Variants in GREB1L observed in about 807,000 individuals in gnomAD.
The protein encoded by GREB1L is GREB1-like protein.
In GREB1L, 17 loss-of-function variants were observed where a neutral mutation model predicts 200.8. The ratio of observed to expected loss-of-function variants is 0.08; its 90% CI spans 0.06 to 0.13. The LOEUF is 0.13. Ranked by LOEUF, GREB1L falls within the 10% of genes least tolerant of loss-of-function variation. GREB1L has a pLI of 1.00. For missense variants in GREB1L, 1,657 were observed against 2,367.7 expected (o/e 0.70, Z 6.23); for synonymous variants, 789 against 893.0 (o/e 0.88, Z 2.08).
At position 21,464,018 on chromosome 18, in the gene GREB1L, G is replaced by A. The variant is rs781346058; in HGVS notation, c.2183-9013G>A. Among the ~76,000 whole-genome samples, 12 of 152,228 alleles carry A rather than the reference G, an allele frequency of 7.9e-5. No individual in the cohort carries two copies. The East Asian group carries it at 1.9e-3, about 24-fold the overall frequency. ...TCACAAGGAATGATAGCAATGGATT[G>A]CAACCTATTGAAAAATTTTTTAAAA... On this transcript the variant is annotated intron_variant, in intron 15 of 32. Coordinates refer to ENST00000424526, the MANE Select transcript of GREB1L (RefSeq NM_001142966.3).
intron 1 of GREB1L, among the ~76,000 whole-genome samples, chr18:21,260,076 G>T (rs1477099622): frequency 6.6e-6 from 1 of 151,880 alleles, no homozygotes; most frequent in East Asian, 1.9e-4. Context: ...CATTGTACAC[G>T]ATTAATTAGT....
chr18:21,508,298 A>C lies in GREB1L; in HGVS notation c.4530+19A>C. On this transcript the variant is annotated intron_variant, in intron 26 of 32. Coordinates refer to ENST00000424526, the MANE Select transcript of GREB1L (RefSeq NM_001142966.3). ...AGACAAGGTGGGTGAGAGCATCTGG[A>C]CTGGCAGGCACCAGACCTAGTTCTT... 1 of 1,551,480 alleles carries C rather than the reference A, an allele frequency of 6.4e-7. No individual in the cohort carries two copies. The highest frequency in any genetic ancestry group is 1.7e-4 in the Middle Eastern group (1 of 5,996).
intron 1 of GREB1L, among the ~76,000 whole-genome samples, chr18:21,307,260 A>G (rs1175675172): frequency 6.6e-6 from 1 of 152,218 alleles, no homozygotes; most frequent in Admixed American, 6.5e-5. Context: ...TACATGCAGC[A>G]GTTACCATTA....
chr18:21,285,771 G>A (rs2038345112), intron 1 of GREB1L, among the ~76,000 whole-genome samples: 1 of 152,172 alleles, frequency 6.6e-6, no homozygotes, highest in Admixed American at 6.5e-5. Context: ...AGAATTTAAT[G>A]CCATACTAAG....
intron 1 of GREB1L, among the ~76,000 whole-genome samples, chr18:21,348,517 G>A (rs1015188292): frequency 1.3e-5 from 2 of 152,078 alleles, no homozygotes; most frequent in African/African-American, 2.4e-5. Context: ...GCTCATGTCT[G>A]TAATCTCAGC....
At chr18:21,421,312 G>T (rs989357452) in intron 7 of GREB1L, among the ~76,000 whole-genome samples, 9 of 152,176 alleles carry the variant, frequency 5.9e-5, no homozygotes, top group Admixed American at 5.9e-4. Flanking sequence ...AACAGCATAA[G>T]AATGGATTAG....
chr18:21,496,098 A>G (rs1261637564), intron 20 of GREB1L, among the ~76,000 whole-genome samples: 1 of 152,192 alleles, frequency 6.6e-6, no homozygotes, highest in Non-Finnish European at 1.5e-5. Context: ...TGCACCCCTC[A>G]AGGATCTAGA....
At chr18:21,253,373 C>A (rs1238469147) in intron 1 of GREB1L, among the ~76,000 whole-genome samples, 1 of 151,290 alleles carries the variant, frequency 6.6e-6, no homozygotes, top group Non-Finnish European at 1.5e-5. Flanking sequence ...ATCCCAGCCT[C>A]CTTAGTAGCT....
intron 11 of GREB1L, among the ~76,000 whole-genome samples, chr18:21,445,811 A>G (rs1178076013): frequency 6.6e-6 from 1 of 152,202 alleles, no homozygotes; most frequent in East Asian, 1.9e-4. Context: ...ATTGAAAGGT[A>G]ATACAATTAT....
intron 1 of GREB1L, among the ~76,000 whole-genome samples, chr18:21,347,293 A>T (rs2039361559): frequency 6.6e-6 from 1 of 151,558 alleles, no homozygotes; most frequent in African/African-American, 2.4e-5. Flanking sequence ...AAAAAAAACA[A>T]ACAAAAACAA....
chr18:21,488,219 C>T (rs775535540), intron 18 of GREB1L, among the ~76,000 whole-genome samples: 9 of 152,132 alleles, frequency 5.9e-5, no homozygotes, highest in South Asian at 2.1e-4. Context: ...TTGCTTGAAC[C>T]CGGGAAGCGA....
At chr18:21,330,668 G>A (rs1045124739) in intron 1 of GREB1L, among the ~76,000 whole-genome samples, 1 of 152,102 alleles carries the variant, frequency 6.6e-6, no homozygotes, top group African/African-American at 2.4e-5. Context: ...TTCTTCCACT[G>A]AGGGGGGTAA....
At chr18:21,286,599 T>G (rs1282361848) in intron 1 of GREB1L, among the ~76,000 whole-genome samples, 1 of 152,232 alleles carries the variant, frequency 6.6e-6, no homozygotes, top group Non-Finnish European at 1.5e-5. Flanking sequence ...CTCTCTTACA[T>G]GCTGAATATG....
intron 1 of GREB1L, among the ~76,000 whole-genome samples, chr18:21,362,478 G>C (rs1282984837): frequency 2.0e-5 from 3 of 152,086 alleles, no homozygotes; most frequent in Non-Finnish European, 2.9e-5. Flanking sequence ...TAAGTATTTA[G>C]ATTTCTTCTT....
intron 4 of GREB1L, among the ~76,000 whole-genome samples, chr18:21,394,482 C>T (rs1487168622): frequency 6.6e-6 from 1 of 152,204 alleles, no homozygotes; most frequent in Non-Finnish European, 1.5e-5. Flanking sequence ...TGGTCTTGGA[C>T]AGCATCTGTT....
intron 11 of GREB1L, among the ~76,000 whole-genome samples, chr18:21,447,066 G>A (rs1251630191): frequency 6.6e-6 from 1 of 152,210 alleles, no homozygotes; most frequent in African/African-American, 2.4e-5. Context: ...TGAAGGAAAA[G>A]ATTATTGTTA....
intron 7 of GREB1L, among the ~76,000 whole-genome samples, chr18:21,413,263 A>G (rs1037024000): frequency 3.9e-5 from 6 of 152,062 alleles, no homozygotes; most frequent in Non-Finnish European, 8.8e-5. Flanking sequence ...CATTTCCCCC[A>G]GGACTCCTCC....
chr18:21,399,848 A>G (rs1028026518), intron 5 of GREB1L, among the ~76,000 whole-genome samples: 1 of 152,220 alleles, frequency 6.6e-6, no homozygotes, highest in Non-Finnish European at 1.5e-5. Flanking sequence ...CTTCCAATTT[A>G]TAAATGCTTT....
At chr18:21,399,525 A>T (rs2041229951) in intron 5 of GREB1L, among the ~76,000 whole-genome samples, 1 of 151,768 alleles carries the variant, frequency 6.6e-6, no homozygotes, top group African/African-American at 2.4e-5. Flanking sequence ...AGATGGATGG[A>T]TGGATAACTT....
Sources: allele counts gnomAD v4.1 joint callset (sites outside exome capture counted in the v4.1 genomes callset), GRCh38; gene constraint gnomAD v4.1.1; transcripts MANE v1.5; gene names NCBI Gene and HGNC (gene_info 2026-07-23, HGNC 2026-07-21).